The following CTDP1 variants were observed in gnomAD, a reference collection of about 807,000 sequenced individuals.
CTDP1 encodes RNA polymerase II subunit A C-terminal domain phosphatase.
A neutral mutation model predicts 91.8 loss-of-function variants in CTDP1; 47 were observed. That is an observed-to-expected ratio of 0.51 (90% CI 0.41 to 0.65). The LOEUF is 0.65. Among genes scored for constraint, CTDP1 ranks in the 30% least tolerant of loss-of-function variants. The pLI, the probability that CTDP1 is intolerant of heterozygous loss-of-function variation, is 0.00. For missense variants in CTDP1, 1,272 were observed against 1,373.7 expected (o/e 0.93, Z 1.17); for synonymous variants, 656 against 598.5 (o/e 1.10, Z -1.40).
rs114645760 is a variant in CTDP1 at position 79,747,979 on chromosome 18, A to C, written c.2748-5673A>C. Among the ~76,000 whole-genome samples, 242 of 152,304 alleles carry C rather than the reference A, an allele frequency of 1.6e-3. 1 individual carries two copies. Among genetic ancestry groups the C allele is most frequent in the African/African-American group, 5.6e-3 (231 of 41,566 alleles). On this transcript the variant is annotated intron_variant, in intron 12 of 12. Transcript: ENST00000613122. Reference sequence around the variant, plus strand: ...ACTGAAATATGGGGGTGGGGTATACATATATATTATTCTGTTTGTATTCTT... The same window carrying C: ...ACTGAAATATGGGGGTGGGGTATACCTATATATTATTCTGTTTGTATTCTT...
intron 10 of CTDP1, among the ~76,000 whole-genome samples, chr18:79,720,289 ATGTCACCTCCTATTGTGTCCTGGTGATGC>A (rs147721795): frequency 0.76 from 102,071 of 134,784 alleles, 39,289 homozygotes; most frequent in Middle Eastern, 0.78. Flanking sequence ...CCTGGTGATG[ATGTCACCTCCTATTGTGTCCTGGTGATGC>A]TGTCACCTCC....
chr18:79,749,247 C>T (rs1304132902), intron 12 of CTDP1, among the ~76,000 whole-genome samples: 2 of 152,168 alleles, frequency 1.3e-5, no homozygotes, highest in Non-Finnish European at 2.9e-5. Flanking sequence ...ACCTCTCGCC[C>T]TCCCCCTCCT....
upstream of CTDP1, chr18:79,677,900 T>C (rs1336124590): frequency 6.6e-6 from 1 of 152,268 alleles, no homozygotes; most frequent in Non-Finnish European, 1.5e-5. Context: ...TCTGTTTTTA[T>C]GGGATTGTGA....
chr18:79,695,463 A>G (rs559825823), intron 2 of CTDP1, among the ~76,000 whole-genome samples, 155 bp downstream of exon 2: 7 of 152,292 alleles, frequency 4.6e-5, no homozygotes, highest in East Asian at 1.9e-4. Context: ...GTCACACTCA[A>G]TGGGTTTCCC....
intron 12 of CTDP1, among the ~76,000 whole-genome samples, chr18:79,737,872 A>G (rs2086697758): frequency 6.6e-6 from 1 of 152,162 alleles, no homozygotes; most frequent in African/African-American, 2.4e-5. Flanking sequence ...ATAGAATAGG[A>G]CACGGTGATG....
chr18:79,679,759 C>A, upstream of CTDP1: 1 of 547,044 alleles, frequency 1.8e-6, no homozygotes, highest in Non-Finnish European at 3.2e-6. Flanking sequence ...CGCGCACGTA[C>A]GCACGTACGC....
chr18:79,715,200 G>C lies in CTDP1; in HGVS notation c.1740G>C (p.Glu580Asp), dbSNP rs1383664691. Residue 580 changes from glutamate to aspartate, a missense_variant, in exon 8 of 13, where the codon GAG becomes GAC. Around this residue, in one of 3 missense-constraint regions of CTDP1, gnomAD observed 881 missense variants for 911.6 expected, o/e 0.97. Transcript: ENST00000613122. ...TGGACCAGAGCATGGAGGAGGAGGA[G>C]GAGGAGGACACGGATGAGGATGACC... Reference protein sequence around the residue: ...ESLDQSMEEEEEEDTDEDDHL... With the variant: ...ESLDQSMEEEDEEDTDEDDHL... The C allele has an allele frequency of 7.4e-6, 12 of 1,612,310 alleles. No individual in the cohort carries two copies. The highest frequency in any genetic ancestry group is 9.3e-6 in the Non-Finnish European group (11 of 1,179,352).
At chr18:79,702,440 C>A (rs1403577382) in intron 4 of CTDP1, among the ~76,000 whole-genome samples, 1 of 152,210 alleles carries the variant, frequency 6.6e-6, no homozygotes, top group African/African-American at 2.4e-5. Flanking sequence ...GTGACACGAT[C>A]TCTCTATCCT....
rs1293526541 is a variant in CTDP1, at chr18:79,714,740, G to A, written c.1280G>A (p.Gly427Glu). 3 of 1,601,798 alleles carry A rather than the reference G, an allele frequency of 1.9e-6. No homozygotes were observed. The highest frequency in any genetic ancestry group is 2.7e-5 in the African/African-American group (2 of 74,842). Residue 427 changes from glycine to glutamate, a missense_variant, in exon 8 of 13, where the codon GGA becomes GAA. Gly to Glu is a moderately conservative substitution (Grantham distance 98). Coordinates refer to ENST00000613122, the MANE Select transcript of CTDP1 (RefSeq NM_004715.5). The stretch of plus-strand genomic sequence containing the variant: ...CTGGCAGGCGCTCCTGAGCCCCAGG[G>A]ATCCTGTGCGCAGGGTGGCCGGGTG... ...QELAGAPEPQ[G>E]SCAQGGRVAP...
At chr18:79,728,572 C>G (rs9953991) in intron 10 of CTDP1, among the ~76,000 whole-genome samples, 32,270 of 152,118 alleles carry the variant, frequency 0.21, 3,521 homozygotes, top group Non-Finnish European at 0.24. Flanking sequence ...CCAGAACACG[C>G]TTCATCTCCC....
intron 11 of CTDP1, 164 bp from the exon 12 acceptor site, chr18:79,736,191 G>A: frequency 3.5e-6 from 3 of 858,120 alleles, no homozygotes; most frequent in East Asian, 2.7e-5. Flanking sequence ...GCTTTGTTAA[G>A]GATTGGTTGA....
intron 1 of CTDP1, among the ~76,000 whole-genome samples, chr18:79,688,429 T>C (rs1332687018): frequency 6.6e-6 from 1 of 152,210 alleles, no homozygotes; most frequent in Non-Finnish European, 1.5e-5. Context: ...CATGCCCAGC[T>C]AATTATTGTA....
intron 11 of CTDP1, among the ~76,000 whole-genome samples, chr18:79,731,855 C>T (rs748805785): frequency 5.3e-5 from 8 of 152,208 alleles, no homozygotes; most frequent in African/African-American, 2.4e-5. Flanking sequence ...CAGGAGTGCT[C>T]CCAAGATCAC....
chr18:79,748,711 G>A (rs76737773), intron 12 of CTDP1, among the ~76,000 whole-genome samples: 4 of 152,178 alleles, frequency 2.6e-5, no homozygotes, highest in Non-Finnish European at 5.9e-5. Context: ...TGCCATGAGC[G>A]CCTGCGGCCG....
chr18:79,749,582 C>T lies in CTDP1; in HGVS notation c.2748-4070C>T, dbSNP rs542686252. ...AGCTCGACCTGAGAGGGCACTTCGG[C>T]TCTCCTGTTCACAGTCATGACTGCC... is the stretch of plus-strand genomic sequence containing the variant. On this transcript the variant is annotated intron_variant, in intron 12 of 12. Coordinates refer to ENST00000613122, the MANE Select transcript of CTDP1 (RefSeq NM_004715.5). 2.5e-4 allele frequency among the ~76,000 whole-genome samples: 38 copies of T among 151,928 alleles called. No individual in the cohort carries two copies. In the South Asian group the frequency reaches 7.7e-3, roughly 31 times the overall value.
At position 79,695,261 on chromosome 18, in the gene CTDP1, G is replaced by A. The variant is rs139441883; in HGVS notation, c.351G>A (p.Pro117=). ...VLVRLEGCSH[P]VVMKGLCAEC... ...TGAGGTTGGAAGGATGCAGCCACCCGGTTGTCATGAAAGGCCTGTGTGCTG... is the reference window on the plus strand; with the variant it reads ...TGAGGTTGGAAGGATGCAGCCACCCAGTTGTCATGAAAGGCCTGTGTGCTG... Residue 117 remains proline (P), a synonymous_variant, in exon 2 of 13, where the codon CCG becomes CCA. Transcript: ENST00000613122. 5.8e-5 allele frequency: 94 copies of A among 1,614,140 alleles called. No individual in the cohort carries two copies. In the African/African-American group the frequency reaches 6.0e-4, roughly 10 times the overall value.
Position 79,719,411 on chromosome 18 carries a change from G to T in CTDP1, c.2417+1395G>T, listed in dbSNP as rs186905992. Among the ~76,000 whole-genome samples, 697 of 152,012 alleles carry T rather than the reference G, an allele frequency of 4.6e-3. 8 individuals are homozygous for T. The highest frequency in any genetic ancestry group is 0.016 in the African/African-American group (667 of 41,478). On this transcript the variant is annotated intron_variant, in intron 10 of 12. Transcript: ENST00000613122. Reference sequence around the variant, plus strand: ...CGCTCTGGGACCTAGGGGGTGGGGGGTTTGGGATGAATCTGAGGTCCTCCA... The same window carrying T: ...CGCTCTGGGACCTAGGGGGTGGGGGTTTTGGGATGAATCTGAGGTCCTCCA...
intron 12 of CTDP1, among the ~76,000 whole-genome samples, chr18:79,739,496 C>A (rs913544151): frequency 6.6e-6 from 1 of 152,088 alleles, no homozygotes; most frequent in Non-Finnish European, 1.5e-5. Flanking sequence ...CACGCAAGCA[C>A]GGAACTGACC....
intron 8 of CTDP1, 149 bp downstream of exon 8, chr18:79,715,677 T>G: frequency 3.2e-6 from 3 of 927,334 alleles, no homozygotes; most frequent in Non-Finnish European, 4.8e-6. Context: ...ATCATGACAG[T>G]GGGTGAAATT....
Sources: gnomAD v4.1 joint callset for allele counts (sites outside exome capture counted in the v4.1 genomes callset) on GRCh38, gnomAD v4.1.1 for gene constraint, gnomAD v4.1.1 regional missense constraint, MANE v1.5 for transcripts, NCBI Gene and HGNC (gene_info 2026-07-23, HGNC 2026-07-21) for gene names.